EIF3M: variants seen among roughly 807,000 people sequenced by gnomAD.
EIF3M encodes the protein eukaryotic translation initiation factor 3 subunit M.
Under a neutral mutation model 49.7 loss-of-function variants are expected in EIF3M, and 25 were observed. The ratio of observed to expected loss-of-function variants is 0.50; its 90% CI spans 0.37 to 0.70. The LOEUF (loss-of-function observed/expected upper bound fraction) is 0.70. Ranked by LOEUF, EIF3M falls within the 30% of genes least tolerant of loss-of-function variation. The probability of loss-of-function intolerance (pLI) is 0.00; values close to 1 mark genes in which losing one functional copy is unlikely to be tolerated. For synonymous variants in EIF3M, 156 were observed against 149.8 expected, an observed-to-expected ratio of 1.04 and a Z score of -0.30; for missense variants, 350 against 440.0, an observed-to-expected ratio of 0.80 and a Z score of 1.83.
In EIF3M at chr11:32,595,125, A is replaced by G. The variant is rs1855160491; in HGVS notation, c.717+112A>G. ...AAAAGTGACTAATGGCAAGATATGG[A>G]AAGATTAAGAACTATGTATTCTTTT... On this transcript the variant is annotated intron_variant, in intron 7 of 10. Coordinates refer to ENST00000531120, the MANE Select transcript of EIF3M (RefSeq NM_006360.6). 6 of 868,178 alleles carry G rather than the reference A, an allele frequency of 6.9e-6. No homozygotes were observed. In the South Asian group the frequency reaches 1.0e-4, roughly 15 times the overall value. The allele number at this position is 868,178 out of a possible 1,614,324, so 53.8% of individuals were successfully genotyped here.
rs576519577 is a variant in EIF3M at position 32,593,440 on chromosome 11, G to A, written c.534-426G>A. On this transcript the variant is annotated intron_variant, in intron 5 of 10. Coordinates refer to ENST00000531120, the MANE Select transcript of EIF3M (RefSeq NM_006360.6). The stretch of plus-strand genomic sequence containing the variant: ...TTCTGGGACACAAAACTTTTTTTGC[G>A]CCTAGGGCCTTTATACTTGGTTTTC... 3.9e-5 allele frequency among the ~76,000 whole-genome samples: 6 copies of A among 152,036 alleles called. No homozygotes were observed. The South Asian group carries it at 6.2e-4, about 16-fold the overall frequency.
At position 32,604,294 on chromosome 11, in the gene EIF3M, T is replaced by C. The variant is rs1590535695; in HGVS notation, c.*1895T>C. ...ATGTGCCACCACACCCAGGTAATTTTTGTATTTTTTGCCATGTTGCCCAGG... is the reference window on the plus strand; with the variant it reads ...ATGTGCCACCACACCCAGGTAATTTCTGTATTTTTTGCCATGTTGCCCAGG... On this transcript the variant is annotated 3_prime_UTR_variant, in exon 11 of 11. Coordinates refer to ENST00000531120, the MANE Select transcript of EIF3M (RefSeq NM_006360.6). The C allele has an allele frequency of 6.6e-6, 1 of 152,262 alleles. No individual in the cohort carries two copies. Among genetic ancestry groups the C allele is most frequent in the Non-Finnish European group, 1.5e-5 (1 of 68,088 alleles). The allele number at this position is 152,262 out of a possible 1,614,324, so 9.4% of individuals were successfully genotyped here.
intron 2 of EIF3M, 115 bp downstream of exon 2, chr11:32,587,259 C>A: frequency 9.7e-7 from 1 of 1,031,462 alleles, no homozygotes; most frequent in Non-Finnish European, 1.4e-6. Flanking sequence ...CCCTCAGATA[C>A]AGAAGGCTGA....
Position 32,603,126 on chromosome 11 carries a change from T to C in EIF3M, c.*727T>C, listed in dbSNP as rs1165219145. 3.5e-6 allele frequency: 3 copies of C among 867,074 alleles called. No individual in the cohort carries two copies. The highest frequency in any genetic ancestry group is 3.4e-5 in the African/African-American group (2 of 58,544). 53.7% of individuals were successfully genotyped at this position (867,074 alleles called of 1,614,324 possible). ...AGTATGTGGTAAAACCACCATCTCT[T>C]GGCTGATTTCCACTACCTTAGTAGT... On this transcript the variant is annotated 3_prime_UTR_variant, in exon 11 of 11. Coordinates refer to ENST00000531120, the MANE Select transcript of EIF3M (RefSeq NM_006360.6).
intron 1 of EIF3M, 66 bp downstream of exon 1, chr11:32,583,995 C>G: frequency 5.0e-6 from 8 of 1,596,822 alleles, no homozygotes; most frequent in African/African-American, 1.3e-5. Context: ...CAAGGGACCG[C>G]TGCCGAGCCT....
chr11:32,584,107 G>C (rs375054105), intron 1 of EIF3M, 178 bp downstream of exon 1: 8 of 776,410 alleles, frequency 1.0e-5, no homozygotes, highest in Non-Finnish European at 1.4e-5. Context: ...GCACCAGCTC[G>C]CCGGCCGGCG....
intron 5 of EIF3M, chr11:32,592,484 G>C: frequency 1.9e-6 from 1 of 527,292 alleles, no homozygotes; most frequent in Non-Finnish European, 3.7e-6. Flanking sequence ...ATGGGCACTG[G>C]GCTTTACAGA....
At position 32,603,220 on chromosome 11, in the gene EIF3M, T is replaced by A. The variant is rs572770682; in HGVS notation, c.*821T>A. 4 of 485,788 alleles carry A rather than the reference T, an allele frequency of 8.2e-6. No homozygotes were observed. The highest frequency in any genetic ancestry group is 7.9e-5 in the African/African-American group (4 of 50,654). The allele number at this position is 485,788 out of a possible 1,614,324, so 30.1% of individuals were successfully genotyped here. ...TAGTAGATCTTCAAAATCTCTAATA[T>A]ATAACTGAAGTAAAGTGTACAAAAA... On this transcript the variant is annotated 3_prime_UTR_variant, in exon 11 of 11. Coordinates refer to ENST00000531120, the MANE Select transcript of EIF3M (RefSeq NM_006360.6).
rs750405547 is a variant in EIF3M at position 32,589,004 on chromosome 11, C to T, written c.315-8C>T. 6 of 1,613,496 alleles carry T rather than the reference C, an allele frequency of 3.7e-6. No individual in the cohort carries two copies. The highest frequency in any genetic ancestry group is 3.3e-5 in the Admixed American group (2 of 59,902). On this transcript the variant is annotated splice_polypyrimidine_tract_variant and splice_region_variant and intron_variant, in intron 3 of 10. Transcript: ENST00000531120. The stretch of plus-strand genomic sequence containing the variant: ...CAAACATTGTTTATTTGTTTGTTAA[C>T]CAACCAGGTTAAGCAACCTTTTCCA...
At position 32,604,162 on chromosome 11, in the gene EIF3M, A is replaced by T. The variant is rs1193920888; in HGVS notation, c.*1763A>T. The stretch of plus-strand genomic sequence containing the variant: ...TTTTAAGATAGGGTCTCACCCTGTC[A>T]CCTAGGCTGGAGTGCAGTGGCACAA... On this transcript the variant is annotated 3_prime_UTR_variant, in exon 11 of 11. Transcript: ENST00000531120. 6.6e-6 allele frequency: 1 copy of T among 152,296 alleles called. No individual in the cohort carries two copies. 9.4% of individuals were successfully genotyped at this position (152,296 alleles called of 1,614,324 possible).
chr11:32,588,499 G>A (rs1341649870), intron 2 of EIF3M, 95 bp from the exon 3 acceptor site: 1 of 1,402,752 alleles, frequency 7.1e-7, no homozygotes, highest in Non-Finnish European at 9.6e-7. Context: ...ACATTTGATG[G>A]TCTTCATTGT....
Position 32,603,049 on chromosome 11 carries a change from G to A in EIF3M, c.*650G>A, listed in dbSNP as rs769529601. The A allele has an allele frequency of 1.3e-5, 20 of 1,518,300 alleles. No individual in the cohort carries two copies. The highest frequency in any genetic ancestry group is 2.3e-5 in the East Asian group (1 of 44,440). 94.1% of individuals were successfully genotyped at this position (1,518,300 alleles called of 1,614,324 possible). A position where few individuals can be genotyped will look rare whatever the true frequency, so the allele number is the denominator to read the frequency against. ...GGAAAGATAAACTAATTTTACCTTC[G>A]AAATTATTATACAAAAGATTTTAAA... On this transcript the variant is annotated 3_prime_UTR_variant, in exon 11 of 11. Coordinates refer to ENST00000531120, the MANE Select transcript of EIF3M (RefSeq NM_006360.6).
At chr11:32,589,789 A>G (rs1855071900) in intron 5 of EIF3M, 148 bp downstream of exon 5, 1 of 594,306 alleles carries the variant, frequency 1.7e-6, no homozygotes, top group East Asian at 3.1e-5. Context: ...TTTGACCTAA[A>G]GTTAAAGATA....
intron 8 of EIF3M, among the ~76,000 whole-genome samples, chr11:32,600,072 T>G: frequency 6.6e-6 from 1 of 151,944 alleles, no homozygotes; most frequent in East Asian, 1.9e-4. Context: ...TTATATCTAG[T>G]ACTAACTGTA....
rs890507007 is a variant in EIF3M, at chr11:32,600,604, A to G, written c.800-85A>G. ...TTCCACAATTACAAAAGTAAAAATA[A>G]TTTCCACAGCTTAACATGAGATGTA... On this transcript the variant is annotated intron_variant, in intron 8 of 10. Coordinates refer to ENST00000531120, the MANE Select transcript of EIF3M (RefSeq NM_006360.6). 4.3e-5 allele frequency: 59 copies of G among 1,368,840 alleles called. No individual in the cohort carries two copies. The Middle Eastern group carries it at 6.2e-4, about 14-fold the overall frequency. 84.8% of individuals were successfully genotyped at this position (1,368,840 alleles called of 1,614,324 possible).
Position 32,602,812 on chromosome 11 carries a change from TA to T in EIF3M, c.*414del. The T allele has an allele frequency of 6.4e-7, 1 of 1,572,672 alleles. No homozygotes were observed. Among genetic ancestry groups the T allele is most frequent in the Non-Finnish European group, 8.6e-7 (1 of 1,157,338 alleles). On this transcript the variant is annotated 3_prime_UTR_variant, in exon 11 of 11. Coordinates refer to ENST00000531120, the MANE Select transcript of EIF3M (RefSeq NM_006360.6). Reference sequence around the variant, plus strand: ...CACTACTGAAAGCACTTATCTACATTATTTTAATCTGTTGTTTTTTTCCAAC... The same window carrying T: ...CACTACTGAAAGCACTTATCTACATTTTTTAATCTGTTGTTTTTTTCCAAC...
chr11:32,589,049 C>G lies in EIF3M; in HGVS notation c.352C>G (p.Pro118Ala), dbSNP rs1855050982. ...TTTCCACGGGATGGATAAGAATACT[C>G]CTGTAAGATACACAGTGTATTGCAG... The part of the protein sequence containing the change: ...NLFHGMDKNT[P>A]VRYTVYCSLI... The change falls in exon 4 of 11, where the codon CCT becomes GCT. Residue 118 changes from proline (P) to alanine (A), a missense_variant. Transcript: ENST00000531120. 6.2e-7 allele frequency: 1 copy of G among 1,614,186 alleles called. No individual in the cohort carries two copies. Among genetic ancestry groups the G allele is most frequent in the Non-Finnish European group, 8.5e-7 (1 of 1,180,034 alleles).
At chr11:32,595,432 G>A (rs1226368089) in intron 7 of EIF3M, among the ~76,000 whole-genome samples, 1 of 152,070 alleles carries the variant, frequency 6.6e-6, no homozygotes, top group Non-Finnish European at 1.5e-5. Flanking sequence ...GTTTTGCCAT[G>A]TTGGTCTGGT....
chr11:32,586,033 C>T (rs564314382), intron 1 of EIF3M, among the ~76,000 whole-genome samples: 66 of 152,302 alleles, frequency 4.3e-4, no homozygotes, highest in African/African-American at 1.4e-3. Flanking sequence ...TGTTTGAGAC[C>T]AGCCTGACGA....
Sources: allele counts gnomAD v4.1 joint callset (sites outside exome capture counted in the v4.1 genomes callset), GRCh38; gene constraint gnomAD v4.1.1; transcripts MANE v1.5; gene names NCBI Gene and HGNC (gene_info 2026-07-23, HGNC 2026-07-21).